The following RFX4 variants were observed in gnomAD, a reference collection of about 807,000 sequenced individuals.
RFX4 encodes transcription factor RFX4.
RFX4 carries 10 observed loss-of-function variants against 95.0 expected under a neutral mutation model. The ratio of observed to expected loss-of-function variants is 0.11; its 90% CI spans 0.06 to 0.18. The LOEUF (loss-of-function observed/expected upper bound fraction) is 0.18, where lower values mean the gene tolerates loss of function less well. Among genes scored for constraint, RFX4 ranks in the 10% least tolerant of loss-of-function variants. RFX4 has a pLI of 1.00. For synonymous variants in RFX4, 321 were observed against 340.7 expected, an observed-to-expected ratio of 0.94 and a Z score of 0.64; for missense variants, 640 against 922.0, an observed-to-expected ratio of 0.69 and a Z score of 3.96.
chr12:106,644,635 G>A (rs1014756132), intron 3 of RFX4, among the ~76,000 whole-genome samples: 9 of 152,248 alleles, frequency 5.9e-5, no homozygotes, highest in Admixed American at 2.0e-4. Flanking sequence ...CTTGGACACC[G>A]TGGGAGTGTT....
At chr12:106,692,889 A>T (rs1172539548) in intron 7 of RFX4, among the ~76,000 whole-genome samples, 1 of 152,184 alleles carries the variant, frequency 6.6e-6, no homozygotes, top group Non-Finnish European at 1.5e-5. Flanking sequence ...TCTGAGAGTT[A>T]TATGTTTAGT....
chr12:106,654,298 G>C lies in RFX4; in HGVS notation c.262G>C (p.Asp88His). Residue 88 changes from aspartate (D) to histidine (H), a missense_variant, in exon 4 of 18, where the codon GAT becomes CAT. Asp to His is a moderately conservative substitution (Grantham distance 81). Around this residue, in one of 7 missense-constraint regions of RFX4, gnomAD observed 89 missense variants for 173.8 expected, o/e 0.51. Coordinates refer to ENST00000392842, the MANE Select transcript of RFX4 (RefSeq NM_213594.3). Reference sequence around the variant, plus strand: ...CAGTGCCCTCTATATGCATTACCTGGATTTCTGCGAGAAGAATGATACCCA... The same window carrying C: ...CAGTGCCCTCTATATGCATTACCTGCATTTCTGCGAGAAGAATGATACCCA... Reference protein sequence around the residue: ...PRSALYMHYLDFCEKNDTQPV... With the variant: ...PRSALYMHYLHFCEKNDTQPV... The C allele has an allele frequency of 2.5e-6, 4 of 1,614,068 alleles. No homozygotes were observed. Among genetic ancestry groups the C allele is most frequent in the Non-Finnish European group, 3.4e-6 (4 of 1,179,962 alleles).
chr12:106,706,920 G>C (rs2042096546), intron 8 of RFX4, among the ~76,000 whole-genome samples: 1 of 152,254 alleles, frequency 6.6e-6, no homozygotes, highest in East Asian at 1.9e-4. Flanking sequence ...TGGCATGGAG[G>C]ATTTAAATGT....
At chr12:106,721,901 G>T (rs1555234304) in intron 13 of RFX4, among the ~76,000 whole-genome samples, 1 of 152,162 alleles carries the variant, frequency 6.6e-6, no homozygotes, top group Non-Finnish European at 1.5e-5. Flanking sequence ...TAAATATGTG[G>T]GAAAACAAAG....
chr12:106,635,566 G>A (rs752085823), intron 2 of RFX4, among the ~76,000 whole-genome samples: 3 of 152,088 alleles, frequency 2.0e-5, no homozygotes, highest in East Asian at 3.8e-4. Context: ...GCCCCCCTCC[G>A]CCTCCCAAAG....
chr12:106,736,974 C>T (rs2042720117), intron 15 of RFX4, among the ~76,000 whole-genome samples: 1 of 152,006 alleles, frequency 6.6e-6, no homozygotes, highest in Non-Finnish European at 1.5e-5. Flanking sequence ...TTCTCCTAAT[C>T]ACTTCTCACA....
intron 6 of RFX4, among the ~76,000 whole-genome samples, chr12:106,688,769 AT>A (rs34245956): frequency 0.37 from 55,920 of 150,254 alleles, 10,517 homozygotes; most frequent in African/African-American, 0.44. Flanking sequence ...GGGGAGATTA[AT>A]TTTTTTTTTT....
intron 4 of RFX4, chr12:106,680,621 T>C (rs896422437): frequency 3.9e-5 from 6 of 152,144 alleles, no homozygotes; most frequent in African/African-American, 1.2e-4. Flanking sequence ...CAACAAGAAA[T>C]CAGCAACAGC....
intron 17 of RFX4, among the ~76,000 whole-genome samples, chr12:106,752,462 T>C (rs547929634): frequency 5.3e-5 from 8 of 152,260 alleles, no homozygotes; most frequent in African/African-American, 1.9e-4. Context: ...TTTTTTTCAT[T>C]CTATCCCCTC....
chr12:106,698,390 T>C (rs2041922461), intron 8 of RFX4, among the ~76,000 whole-genome samples: 1 of 152,096 alleles, frequency 6.6e-6, no homozygotes, highest in Non-Finnish European at 1.5e-5. Context: ...GTGATCCTCC[T>C]GCCCCAGCCT....
chr12:106,593,011 C>T (rs757115997), intron 1 of RFX4, among the ~76,000 whole-genome samples: 61 of 152,048 alleles, frequency 4.0e-4, no homozygotes, highest in Non-Finnish European at 6.5e-4. Context: ...TGACCTGTGC[C>T]GGGAGATTAC....
intron 2 of RFX4, among the ~76,000 whole-genome samples, chr12:106,612,837 CAA>C (rs779953907): frequency 8.8e-6 from 1 of 113,696 alleles, no homozygotes; most frequent in Admixed American, 9.0e-5. Flanking sequence ...GACTACGTCT[CAA>C]AAAAAAAAAA....
In RFX4 at chr12:106,583,071, T is replaced by C; in HGVS notation, c.-250T>C. The C allele has an allele frequency of 2.3e-6, 1 of 435,390 alleles. No individual in the cohort carries two copies. 27.0% of individuals were successfully genotyped at this position (435,390 alleles called of 1,614,324 possible). On this transcript the variant is annotated 5_prime_UTR_variant, in exon 1 of 18. Coordinates refer to ENST00000392842, the MANE Select transcript of RFX4 (RefSeq NM_213594.3). ...GAGTGTCCCCTTGCTCGCTCGCTTT[T>C]TCTCTCTCCCCCTTCTCCGAGCTCG...
At chr12:106,680,768 G>T (rs962732499) in intron 4 of RFX4, 2 of 152,222 alleles carry the variant, frequency 1.3e-5, no homozygotes, top group African/African-American at 4.8e-5. Flanking sequence ...TGGTAATAAT[G>T]GGTAACATTT....
chr12:106,735,592 A>G (rs745951777), intron 15 of RFX4, among the ~76,000 whole-genome samples: 38 of 152,360 alleles, frequency 2.5e-4, no homozygotes, highest in Non-Finnish European at 5.3e-4. Context: ...ATTAGATTCA[A>G]TACCTGAAAC....
chr12:106,708,938 G>A (rs1218125407), intron 8 of RFX4, among the ~76,000 whole-genome samples: 1 of 152,200 alleles, frequency 6.6e-6, no homozygotes, highest in Non-Finnish European at 1.5e-5. Flanking sequence ...GGCAGGCATG[G>A]CAGTTATGTT....
In RFX4 at chr12:106,761,473, C is replaced by T; in HGVS notation, c.*4C>T. 1 of 1,554,392 alleles carries T rather than the reference C, an allele frequency of 6.4e-7. No individual in the cohort carries two copies. On this transcript the variant is annotated 3_prime_UTR_variant, in exon 18 of 18. Coordinates refer to ENST00000392842, the MANE Select transcript of RFX4 (RefSeq NM_213594.3). ...CTCTACAGGATGGGCTAAATGACTGCTATCATAGGCATCCATATTTAATAT... is the reference window on the plus strand; with the variant it reads ...CTCTACAGGATGGGCTAAATGACTGTTATCATAGGCATCCATATTTAATAT...
chr12:106,598,915 G>C (rs1565944556), intron 1 of RFX4, among the ~76,000 whole-genome samples: 1 of 152,148 alleles, frequency 6.6e-6, no homozygotes, highest in South Asian at 2.1e-4. Flanking sequence ...AGTAGTAGTA[G>C]GTACACCCTT....
intron 2 of RFX4, among the ~76,000 whole-genome samples, chr12:106,613,425 C>G (rs536090415): frequency 2.7e-5 from 4 of 150,808 alleles, no homozygotes; most frequent in African/African-American, 7.3e-5. Flanking sequence ...TGCAATGGCA[C>G]AATCTTGGCT....
Sources: allele counts gnomAD v4.1 joint callset (sites outside exome capture counted in the v4.1 genomes callset), GRCh38; gene constraint gnomAD v4.1.1; regional missense constraint gnomAD v4.1.1; transcripts MANE v1.5; gene names NCBI Gene and HGNC (gene_info 2026-07-23, HGNC 2026-07-21).